Variants in L3MBTL4 observed in about 807,000 individuals in gnomAD.
L3MBTL4 encodes lethal(3)malignant brain tumor-like protein 4.
A neutral mutation model predicts 84.5 loss-of-function variants in L3MBTL4; 70 were observed. The observed-to-expected ratio is 0.83, with a 90% confidence interval of 0.68 to 1.01. The LOEUF is 1.01. Ranked by LOEUF, L3MBTL4 falls within the 50% of genes least tolerant of loss-of-function variation. The pLI is 0.00. For missense variants in L3MBTL4, 715 were observed against 754.8 expected (o/e 0.95, Z 0.62); for synonymous variants, 274 against 259.8 (o/e 1.05, Z -0.52).
At chr18:6,091,585 G>C (rs1275769793) in intron 15 of L3MBTL4, among the ~76,000 whole-genome samples, 1 of 152,164 alleles carries the variant, frequency 6.6e-6, no homozygotes, top group Non-Finnish European at 1.5e-5. Context: ...GCATATTTCA[G>C]TGCAAAGCTC....
chr18:6,409,281 C>T (rs941324175), intron 1 of L3MBTL4, among the ~76,000 whole-genome samples: 2 of 152,152 alleles, frequency 1.3e-5, no homozygotes, highest in South Asian at 2.1e-4. Context: ...TTGATTTTTA[C>T]TTAGAAATAA....
chr18:6,173,630 A>G (rs61000012), intron 12 of L3MBTL4, among the ~76,000 whole-genome samples: 2,051 of 151,992 alleles, frequency 0.013, 66 homozygotes, highest in African/African-American at 0.047. Flanking sequence ...AAATACAAAA[A>G]CTAGCCAGGT....
At chr18:6,390,685 G>T (rs1270479145) in intron 1 of L3MBTL4, among the ~76,000 whole-genome samples, 2 of 152,110 alleles carry the variant, frequency 1.3e-5, no homozygotes, top group Non-Finnish European at 2.9e-5. Context: ...AATCCTTCGA[G>T]ACTGCTATGC....
At chr18:6,095,571 C>T (rs773806764) in intron 14 of L3MBTL4, among the ~76,000 whole-genome samples, 15 of 152,194 alleles carry the variant, frequency 9.9e-5, no homozygotes, top group Non-Finnish European at 2.1e-4. Context: ...AGGACGGTCT[C>T]GATCTCCTGA....
intron 3 of L3MBTL4, among the ~76,000 whole-genome samples, chr18:6,310,350 C>T (rs1455224632): frequency 6.6e-6 from 1 of 152,196 alleles, no homozygotes; most frequent in Admixed American, 6.5e-5. Flanking sequence ...AATCTGGACC[C>T]AGGGAACTGG....
intron 1 of L3MBTL4, among the ~76,000 whole-genome samples, chr18:6,387,144 T>C (rs888300960): frequency 6.6e-6 from 1 of 152,170 alleles, no homozygotes; most frequent in Non-Finnish European, 1.5e-5. Flanking sequence ...AAAATTAGCC[T>C]GGAACTACAG....
intron 1 of L3MBTL4, among the ~76,000 whole-genome samples, chr18:6,364,805 A>G (rs549924205): frequency 5.3e-5 from 8 of 152,218 alleles, no homozygotes; most frequent in African/African-American, 1.9e-4. Flanking sequence ...GTAATCTCAG[A>G]TGTCAGTAAA....
chr18:6,345,986 G>A (rs544450422), intron 1 of L3MBTL4, among the ~76,000 whole-genome samples: 5 of 151,056 alleles, frequency 3.3e-5, no homozygotes, highest in South Asian at 2.1e-4. Flanking sequence ...ATAGACCAAC[G>A]GAACAGAATG....
At chr18:6,083,457 T>C (rs2058149044) in intron 15 of L3MBTL4, among the ~76,000 whole-genome samples, 1 of 152,170 alleles carries the variant, frequency 6.6e-6, no homozygotes, top group African/African-American at 2.4e-5. Flanking sequence ...CTCGAGGATG[T>C]GGACTTCATC....
chr18:6,379,348 T>C (rs1276045870), intron 1 of L3MBTL4, among the ~76,000 whole-genome samples: 12 of 152,170 alleles, frequency 7.9e-5, no homozygotes. Flanking sequence ...GAACTTCCAA[T>C]ACTATGTTGA....
At chr18:5,997,831 T>C (rs2054044981) in intron 16 of L3MBTL4, among the ~76,000 whole-genome samples, 1 of 152,202 alleles carries the variant, frequency 6.6e-6, no homozygotes, top group Admixed American at 6.5e-5. Flanking sequence ...TATTTTGAGT[T>C]CACAAGTATA....
Position 6,322,127 on chromosome 18 carries a change from C to A in L3MBTL4, c.-90-10071G>T, listed in dbSNP as rs569090734. 4.6e-5 allele frequency among the ~76,000 whole-genome samples: 7 copies of A among 151,774 alleles called. No individual in the cohort carries two copies. The South Asian group carries it at 1.5e-3, about 32-fold the overall frequency. On this transcript the variant is annotated intron_variant, in intron 1 of 18. Transcript: ENST00000317931. The stretch of plus-strand genomic sequence containing the variant: ...ATACTAGAACTTTGGGAGGCACAGG[C>A]AGGAGAACTGCTTGAACCTAGCAGT...
At chr18:6,315,167 C>A (rs1251321978) in intron 1 of L3MBTL4, among the ~76,000 whole-genome samples, 1 of 152,168 alleles carries the variant, frequency 6.6e-6, no homozygotes, top group Non-Finnish European at 1.5e-5. Context: ...AACATTTCTG[C>A]TGGTTCTAGG....
intron 12 of L3MBTL4, among the ~76,000 whole-genome samples, chr18:6,200,852 T>C (rs1347800046): frequency 3.3e-5 from 5 of 152,228 alleles, no homozygotes; most frequent in Non-Finnish European, 7.3e-5. Context: ...TTTTAAGAAA[T>C]ATGTAGGGAG....
intron 13 of L3MBTL4, among the ~76,000 whole-genome samples, chr18:6,152,177 T>G (rs1598921630): frequency 6.6e-6 from 1 of 152,204 alleles, no homozygotes; most frequent in East Asian, 1.9e-4. Flanking sequence ...TTGTGAATAA[T>G]GACGCAATGA....
chr18:6,293,024 C>A (rs1014284400), intron 4 of L3MBTL4, among the ~76,000 whole-genome samples: 2 of 152,174 alleles, frequency 1.3e-5, no homozygotes, highest in African/African-American at 4.8e-5. Flanking sequence ...CTTTGTTCTT[C>A]ACACATAACA....
intron 12 of L3MBTL4, among the ~76,000 whole-genome samples, chr18:6,198,652 T>G (rs1338504932): frequency 6.6e-6 from 1 of 152,148 alleles, no homozygotes; most frequent in East Asian, 1.9e-4. Context: ...ATTCCATAAA[T>G]CAGTCTGAAA....
intron 16 of L3MBTL4, chr18:6,030,204 G>T: frequency 1.2e-6 from 1 of 846,948 alleles, no homozygotes. Flanking sequence ...AGTATACAGT[G>T]ATTATTCCAA....
Position 5,975,782 on chromosome 18 carries a change from C to A in L3MBTL4, c.1445-6220G>T, listed in dbSNP as rs115553469. ...TATGGGAACAGGAGCTCCTCAGGAA[C>A]GCTCCTCTCTCTGACAGCAGGCACT... On this transcript the variant is annotated intron_variant, in intron 16 of 18. Coordinates refer to ENST00000317931, the MANE Select transcript of L3MBTL4 (RefSeq NM_001330559.2). 8.8e-3 allele frequency among the ~76,000 whole-genome samples: 1,337 copies of A among 152,316 alleles called. 21 individuals are homozygous for A. The highest frequency in any genetic ancestry group is 0.031 in the African/African-American group (1,278 of 41,568).
Sources: allele counts gnomAD v4.1 joint callset (sites outside exome capture counted in the v4.1 genomes callset), GRCh38; gene constraint gnomAD v4.1.1; transcripts MANE v1.5; gene names NCBI Gene and HGNC (gene_info 2026-07-23, HGNC 2026-07-21).